PGBD1: variants seen among roughly 807,000 people sequenced by gnomAD.
PGBD1 encodes the protein piggyBac transposable element-derived protein 1.
PGBD1 carries 25 observed loss-of-function variants against 34.7 expected under a neutral mutation model. That is an observed-to-expected ratio of 0.72 (90% confidence interval 0.52 to 1.00). PGBD1 has a LOEUF of 1.00. Ranked by LOEUF, PGBD1 falls within the 50% of genes least tolerant of loss-of-function variation. The probability of loss-of-function intolerance (pLI) is 0.00; values close to 1 mark genes in which losing one functional copy is unlikely to be tolerated. For missense variants in PGBD1, 830 were observed against 959.4 expected, an observed-to-expected ratio of 0.87 and a Z score of 1.78; for synonymous variants, 292 against 335.7, an observed-to-expected ratio of 0.87 and a Z score of 1.42.
In PGBD1 at chr6:28,300,249, T is replaced by G. The variant is rs1432896122; in HGVS notation, c.870-475T>G. Among the ~76,000 whole-genome samples the G allele has an allele frequency of 3.3e-5, 5 of 152,166 alleles. No homozygotes were observed. In the East Asian group the frequency reaches 9.6e-4, roughly 29 times the overall value. On this transcript the variant is annotated intron_variant, in intron 6 of 6. Transcript: ENST00000682144. The surrounding 1 kb of genome is among the most constrained non-coding windows in gnomAD (Gnocchi z 4.0). ...TTTCTTGTTCAGATTCAGAACCAAT[T>G]GACAGGGATGCAGGAGTAAAATAGA...
intron 4 of PGBD1, among the ~76,000 whole-genome samples, chr6:28,288,988 CA>C (rs914215760): frequency 2.0e-5 from 3 of 151,078 alleles, no homozygotes; most frequent in Admixed American, 6.6e-5. Flanking sequence ...GACTCCATCT[CA>C]AAAAAATTAA....
chr6:28,301,148 T>C lies in PGBD1; in HGVS notation c.1294T>C (p.Phe432Leu), dbSNP rs759958544. 41 of 1,614,084 alleles carry C rather than the reference T, an allele frequency of 2.5e-5. No individual in the cohort carries two copies. In the Admixed American group the frequency reaches 6.5e-4, roughly 26 times the overall value. The change falls in exon 7 of 7, where the codon TTC becomes CTC. Residue 432 changes from phenylalanine (F) to leucine (L), a missense_variant. This residue lies in a region of PGBD1 where 457 missense variants were observed against 515.4 expected (regional missense o/e 0.89). Transcript: ENST00000682144. ...LFELFFDDET[F>L]NLIVNETNNY... ...TGAATTATTTTTTGATGATGAAACA[T>C]TCAACTTAATTGTCAATGAAACCAA...
At chr6:28,293,067 C>T (rs1325229781) in intron 4 of PGBD1, among the ~76,000 whole-genome samples, 2 of 152,132 alleles carry the variant, frequency 1.3e-5, no homozygotes, top group African/African-American at 2.4e-5. Flanking sequence ...CTCAGCCTCC[C>T]GAGTAGCTGA....
In PGBD1 at chr6:28,297,882, T is replaced by A. The variant is rs1446963935; in HGVS notation, c.773-13T>A. 2 of 939,230 alleles carry A rather than the reference T, an allele frequency of 2.1e-6. No homozygotes were observed. Among genetic ancestry groups the A allele is most frequent in the Non-Finnish European group, 3.3e-6 (2 of 610,308 alleles). The allele number at this position is 939,230 out of a possible 1,614,324, so 58.2% of individuals were successfully genotyped here. A position where few individuals can be genotyped will look rare whatever the true frequency, so the allele number is the denominator to read the frequency against. ...TAACAGATGACATTTAAATCATTAA[T>A]GTTATATTTTAGCTGAAGAAATTGT... is the stretch of plus-strand genomic sequence containing the variant. On this transcript the variant is annotated splice_polypyrimidine_tract_variant and intron_variant, in intron 5 of 6. Transcript: ENST00000682144.
At position 28,283,799 on chromosome 6, in the gene PGBD1, G is replaced by C. The variant is rs547689290; in HGVS notation, c.-15G>C. On this transcript the variant is annotated 5_prime_UTR_variant, in exon 2 of 7. Transcript: ENST00000682144. ...AGACCCCAAGCTAAGTGAAGCTTTA[G>C]CCTCTAAGCTCAACATGTATGAAGC... The C allele has an allele frequency of 2.6e-6, 4 of 1,553,622 alleles. No homozygotes were observed. The highest frequency in any genetic ancestry group is 3.5e-6 in the Non-Finnish European group (4 of 1,148,036).
At chr6:28,297,065 T>G in intron 5 of PGBD1, 120 bp downstream of exon 5, 1 of 1,144,274 alleles carries the variant, frequency 8.7e-7, no homozygotes. Context: ...TCCCTTCTTC[T>G]GGCCTCTGCC....
At chr6:28,288,975 C>G (rs989873131) in intron 4 of PGBD1, among the ~76,000 whole-genome samples, 1 of 151,796 alleles carries the variant, frequency 6.6e-6, no homozygotes, top group Non-Finnish European at 1.5e-5. Context: ...GCAACAAGAG[C>G]AAGACTCCAT....
At position 28,296,929 on chromosome 6, in the gene PGBD1, G is replaced by GA; in HGVS notation, c.757dup (p.Ser253LysfsTer7). 1 of 1,614,096 alleles carries GA rather than the reference G, an allele frequency of 6.2e-7. No homozygotes were observed. The highest frequency in any genetic ancestry group is 8.5e-7 in the Non-Finnish European group (1 of 1,179,990). Reference sequence around the variant, plus strand: ...GGAACTCAGCTCAGGAGACAGTTATGAGCCTCAGTCCGATGAGTAAGGCCA... The same window carrying GA: ...GGAACTCAGCTCAGGAGACAGTTATGAAGCCTCAGTCCGATGAGTAAGGCCA... On this transcript the variant is annotated frameshift_variant, in exon 5 of 7. Transcript: ENST00000682144. LOFTEE classifies it high-confidence loss of function.
chr6:28,301,475 G>T lies in PGBD1; in HGVS notation c.1621G>T (p.Glu541Ter). ...TTTCCTCTTGTATGCTCCCCTGGAAGAATACTATTGCTTTGATAAGTCAAT... is the reference window on the plus strand; with the variant it reads ...TTTCCTCTTGTATGCTCCCCTGGAATAATACTATTGCTTTGATAAGTCAAT... The part of the protein sequence containing the change: ...KNFLLYAPLE[E>*]YYCFDKSMCE... The change falls in exon 7 of 7, where the codon GAA (glutamate) becomes TAA (stop). Residue 541 changes from glutamate (E) to a stop codon, truncating the protein, a stop_gained. Transcript: ENST00000682144. LOFTEE classifies it low-confidence loss of function (END_TRUNC). 1 of 1,613,976 alleles carries T rather than the reference G, an allele frequency of 6.2e-7. No homozygotes were observed. Among genetic ancestry groups the T allele is most frequent in the Non-Finnish European group, 8.5e-7 (1 of 1,179,986 alleles).
chr6:28,299,553 A>G (rs1443472555), intron 6 of PGBD1, among the ~76,000 whole-genome samples: 4 of 152,224 alleles, frequency 2.6e-5, no homozygotes, highest in Non-Finnish European at 5.9e-5. Context: ...GACACCCTGG[A>G]TGATAAACAC....
Position 28,300,697 on chromosome 6 carries a change from A to G in PGBD1, c.870-27A>G, listed in dbSNP as rs757754250. 3 of 1,572,670 alleles carry G rather than the reference A, an allele frequency of 1.9e-6. No homozygotes were observed. Among genetic ancestry groups the G allele is most frequent in the Non-Finnish European group, 2.6e-6 (3 of 1,162,684 alleles). ...TGAGAGAATATGATTGAGGATTTTTATAACATGTTCTTTTTTTCTTTCCCA... is the reference window on the plus strand; with the variant it reads ...TGAGAGAATATGATTGAGGATTTTTGTAACATGTTCTTTTTTTCTTTCCCA... On this transcript the variant is annotated intron_variant, in intron 6 of 6. Coordinates refer to ENST00000682144, the MANE Select transcript of PGBD1 (RefSeq NM_032507.4). This position sits in a 1 kb window ranked among gnomAD's most constrained non-coding sequence, Gnocchi z 4.0.
At chr6:28,298,052 C>A in intron 6 of PGBD1, 61 bp downstream of exon 6, 1 of 1,183,998 alleles carries the variant, frequency 8.4e-7, no homozygotes, top group Non-Finnish European at 1.2e-6. Context: ...GGAATGGAAT[C>A]AGAGAAACCA....
rs1167618984 is a variant in PGBD1, at chr6:28,301,154, T to A, written c.1300T>A (p.Leu434Ile). 2.5e-6 allele frequency: 4 copies of A among 1,614,062 alleles called. 1 individual carries two copies. Among genetic ancestry groups the A allele is most frequent in the African/African-American group, 2.7e-5 (2 of 74,932 alleles). ...ATTTTTTGATGATGAAACATTCAAC[T>A]TAATTGTCAATGAAACCAATAATTA... ...ELFFDDETFN[L>I]IVNETNNYAS... The change falls in exon 7 of 7, where the codon TTA becomes ATA. Residue 434 changes from leucine (L) to isoleucine (I), a missense_variant. Coordinates refer to ENST00000682144, the MANE Select transcript of PGBD1 (RefSeq NM_032507.4).
At position 28,297,946 on chromosome 6, in the gene PGBD1, C is replaced by T; in HGVS notation, c.824C>T (p.Ser275Phe). The T allele has an allele frequency of 6.3e-7, 1 of 1,592,768 alleles. No homozygotes were observed. Among genetic ancestry groups the T allele is most frequent in the Non-Finnish European group, 8.6e-7 (1 of 1,168,908 alleles). The change falls in exon 6 of 7, where the codon TCT becomes TTT. Residue 275 changes from serine to phenylalanine, a missense_variant. This residue lies in a region of PGBD1 where 457 missense variants were observed against 515.4 expected (regional missense o/e 0.89). Transcript: ENST00000682144. ...DRLFKAKQETSEEMEQSGEAS... is the reference protein window; with the variant it reads ...DRLFKAKQETFEEMEQSGEAS... ...TTGTTTAAAGCAAAGCAAGAAACTT[C>T]TGAAGAAATGGAACAAAGTGGAGAA...
At chr6:28,294,686 A>G (rs1762574977) in intron 4 of PGBD1, among the ~76,000 whole-genome samples, 1 of 152,232 alleles carries the variant, frequency 6.6e-6, no homozygotes, top group Non-Finnish European at 1.5e-5. Flanking sequence ...TGTTTACAGC[A>G]TGGTTTACTG....
At chr6:28,285,122 A>G (rs1272659023) in intron 2 of PGBD1, among the ~76,000 whole-genome samples, 2 of 152,046 alleles carry the variant, frequency 1.3e-5, no homozygotes, top group East Asian at 1.9e-4. Flanking sequence ...CTATCCCTCA[A>G]TTTGAGTTTG....
At chr6:28,293,370 G>A (rs1581634957) in intron 4 of PGBD1, among the ~76,000 whole-genome samples, 1 of 152,186 alleles carries the variant, frequency 6.6e-6, no homozygotes. Flanking sequence ...TGTTACAAGA[G>A]CCATAGGAAA....
chr6:28,287,027 T>A (rs1293099356), intron 3 of PGBD1, 53 bp from the exon 4 acceptor site: 1 of 1,395,660 alleles, frequency 7.2e-7, no homozygotes, highest in Non-Finnish European at 1.0e-6. Flanking sequence ...CCAAAAAGGG[T>A]ACCCTAAAGG....
At position 28,301,146 on chromosome 6, in the gene PGBD1, C is replaced by CG. The variant is rs757411343; in HGVS notation, c.1292_1293insG (p.Phe432IlefsTer7). ...TTTGAATTATTTTTTGATGATGAAA[C>CG]ATTCAACTTAATTGTCAATGAAACC... On this transcript the variant is annotated frameshift_variant, in exon 7 of 7. Transcript: ENST00000682144. LOFTEE classifies it low-confidence loss of function (END_TRUNC). 2.5e-6 allele frequency: 4 copies of CG among 1,613,950 alleles called. No individual in the cohort carries two copies. Among genetic ancestry groups the CG allele is most frequent in the Non-Finnish European group, 3.4e-6 (4 of 1,180,004 alleles).
Sources: allele counts gnomAD v4.1 joint callset (sites outside exome capture counted in the v4.1 genomes callset), GRCh38; gene constraint gnomAD v4.1.1; regional missense constraint gnomAD v4.1.1; non-coding constraint Gnocchi (gnomAD v3.1); transcripts MANE v1.5; gene names NCBI Gene and HGNC (gene_info 2026-07-23, HGNC 2026-07-21).